VSX2: variants seen among roughly 807,000 people sequenced by gnomAD.
The protein encoded by VSX2 is ceh-10 homeo domain containing homolog.
Under a neutral mutation model 32.1 loss-of-function variants are expected in VSX2, and 28 were observed. The observed-to-expected ratio is 0.87, with a 90% CI of 0.65 to 1.20. VSX2 has a LOEUF of 1.20. Ranked by LOEUF, VSX2 falls within the 50% of genes most tolerant of loss-of-function variation. The pLI is 0.00. For synonymous variants in VSX2, 243 were observed against 214.1 expected (o/e 1.14, Z -1.18); for missense variants, 506 against 488.7 (o/e 1.04, Z -0.33).
chr14:74,241,750 G>T lies in VSX2; in HGVS notation c.455+484G>T, dbSNP rs149354306. Among the ~76,000 whole-genome samples the T allele has an allele frequency of 9.2e-5, 14 of 152,302 alleles. No homozygotes were observed. The East Asian group carries it at 2.7e-3, about 29-fold the overall frequency. On this transcript the variant is annotated intron_variant, in intron 2 of 4. Transcript: ENST00000261980. ...TCTGCTCCCACCGTTCTCCAAAGCT[G>T]GAGCGATCTCTGCACTGACAGAGCA...
intron 2 of VSX2, among the ~76,000 whole-genome samples, chr14:74,244,904 GTGTGTGTGTGTGTGTGTGTGTGTGTGAA>G: frequency 8.7e-6 from 1 of 114,578 alleles, no homozygotes; most frequent in Non-Finnish European, 1.9e-5. Flanking sequence ...GTGTGTGTGT[GTGTGTGTGTGTGTGTGTGTGTGTGTGAA>G]AGAGAGAGAG....
At chr14:74,253,918 G>A (rs570516785) in intron 3 of VSX2, among the ~76,000 whole-genome samples, 114 of 151,620 alleles carry the variant, frequency 7.5e-4, no homozygotes, top group African/African-American at 2.6e-3. Flanking sequence ...CAACAAGAGC[G>A]AAAATCCGTC....
intron 1 of VSX2, among the ~76,000 whole-genome samples, chr14:74,240,186 C>A (rs1191351405): frequency 1.3e-5 from 2 of 152,168 alleles, no homozygotes; most frequent in Non-Finnish European, 2.9e-5. Context: ...AGGGCTCGGC[C>A]ACGGCACTCT....
chr14:74,249,615 A>G (rs944135545), intron 3 of VSX2, among the ~76,000 whole-genome samples: 2 of 152,298 alleles, frequency 1.3e-5, no homozygotes, highest in African/African-American at 4.8e-5. Flanking sequence ...GTTAGCTGTC[A>G]TTCCTACACC....
chr14:74,253,661 T>C (rs1248935274), intron 3 of VSX2, among the ~76,000 whole-genome samples: 2 of 152,330 alleles, frequency 1.3e-5, no homozygotes, highest in South Asian at 2.1e-4. Flanking sequence ...CTGGGTGTGG[T>C]GGCTCACGCC....
At chr14:74,241,995 A>G (rs2079153247) in intron 2 of VSX2, among the ~76,000 whole-genome samples, 1 of 152,168 alleles carries the variant, frequency 6.6e-6, no homozygotes, top group Admixed American at 6.5e-5. Context: ...AATTACTTGC[A>G]CAAAGTTAAA....
At position 74,261,542 on chromosome 14, in the gene VSX2, G is replaced by C. The variant is rs1440113222; in HGVS notation, c.*623G>C. ...GGAGTCCAGATGGCAGGCTACAGTT[G>C]GGAAGTCTCAGCCTGGGCCCCTCAG... On this transcript the variant is annotated 3_prime_UTR_variant, in exon 5 of 5. Transcript: ENST00000261980. 1 of 152,898 alleles carries C rather than the reference G, an allele frequency of 6.5e-6. No homozygotes were observed. The highest frequency in any genetic ancestry group is 1.5e-5 in the Non-Finnish European group (1 of 68,598). The allele number at this position is 152,898 out of a possible 1,614,324, so 9.5% of individuals were successfully genotyped here.
At chr14:74,246,229 T>G (rs1359118261) in intron 3 of VSX2, among the ~76,000 whole-genome samples, 1 of 152,202 alleles carries the variant, frequency 6.6e-6, no homozygotes, top group African/African-American at 2.4e-5. Context: ...TTGCGGAGGC[T>G]GGGGTGTGTG....
intron 3 of VSX2, among the ~76,000 whole-genome samples, chr14:74,246,889 T>C (rs895988245): frequency 1.6e-4 from 24 of 152,110 alleles, no homozygotes; most frequent in Admixed American, 1.4e-3. Context: ...GGGCAGGCTC[T>C]CCCTCAGCTG....
rs1022886449 is a variant in VSX2, at chr14:74,261,890, T to A, written c.*971T>A. 5.9e-5 allele frequency: 9 copies of A among 152,422 alleles called. No individual in the cohort carries two copies. The highest frequency in any genetic ancestry group is 2.2e-4 in the African/African-American group (9 of 41,586). The allele number at this position is 152,422 out of a possible 1,614,324, so 9.4% of individuals were successfully genotyped here. ...TCCTTGCAAACTATGAGTTCACATGTGCCCTGCCTTGAACAACCCAATCTG... is the reference window on the plus strand; with the variant it reads ...TCCTTGCAAACTATGAGTTCACATGAGCCCTGCCTTGAACAACCCAATCTG... On this transcript the variant is annotated 3_prime_UTR_variant, in exon 5 of 5. Coordinates refer to ENST00000261980, the MANE Select transcript of VSX2 (RefSeq NM_182894.3).
chr14:74,240,408 T>C lies in VSX2; in HGVS notation c.370+477T>C, dbSNP rs2079141425. Among the ~76,000 whole-genome samples, 7 of 152,088 alleles carry C rather than the reference T, an allele frequency of 4.6e-5. 1 individual carries two copies. The South Asian group carries it at 1.5e-3, about 32-fold the overall frequency. Reference sequence around the variant, plus strand: ...CAAATCCCGCGCTGGTCAACTGGGGTTTATTTTTCACCCCCACGAGCTCAG... The same window carrying C: ...CAAATCCCGCGCTGGTCAACTGGGGCTTATTTTTCACCCCCACGAGCTCAG... On this transcript the variant is annotated intron_variant, in intron 1 of 4. Coordinates refer to ENST00000261980, the MANE Select transcript of VSX2 (RefSeq NM_182894.3).
chr14:74,254,784 A>ATTTTTGTTTTTTTTTTTTTTTTTT (rs2079252209), intron 3 of VSX2, among the ~76,000 whole-genome samples: 2 of 116,612 alleles, frequency 1.7e-5, no homozygotes, highest in Non-Finnish European at 3.5e-5. Context: ...CGAAAAGTGG[A>ATTTTTGTTTTTTTTTTTTTTTTTT]TTTTTTTTTT....
chr14:74,261,184 C>T lies in VSX2; in HGVS notation c.*265C>T, dbSNP rs763925108. On this transcript the variant is annotated 3_prime_UTR_variant, in exon 5 of 5. Transcript: ENST00000261980. ...CTGCCCACAACGTCCCCTCAAGCCCCTTCTCTCAATCCCTTTGCAACGCTC... is the reference window on the plus strand; with the variant it reads ...CTGCCCACAACGTCCCCTCAAGCCCTTTCTCTCAATCCCTTTGCAACGCTC... The T allele has an allele frequency of 3.7e-6, 2 of 535,018 alleles. No homozygotes were observed. Among genetic ancestry groups the T allele is most frequent in the Non-Finnish European group, 6.7e-6 (2 of 298,788 alleles). The allele number at this position is 535,018 out of a possible 1,614,324, so 33.1% of individuals were successfully genotyped here.
At chr14:74,245,791 C>T (rs1300518185) in intron 3 of VSX2, among the ~76,000 whole-genome samples, 2 of 152,196 alleles carry the variant, frequency 1.3e-5, no homozygotes, top group Non-Finnish European at 2.9e-5. Flanking sequence ...TCCCACCACT[C>T]CATCCACCTA....
At chr14:74,246,876 T>TG (rs2079195386) in intron 3 of VSX2, among the ~76,000 whole-genome samples, 2 of 152,040 alleles carry the variant, frequency 1.3e-5, no homozygotes, top group Admixed American at 6.6e-5. Context: ...GCTCAGGATT[T>TG]GGGGGCAGGC....
chr14:74,241,142 G>A (rs769217449), intron 1 of VSX2, 40 bp from the exon 2 acceptor site: 1 of 1,601,944 alleles, frequency 6.2e-7, no homozygotes, highest in Admixed American at 1.7e-5. Flanking sequence ...AGCGGAGCGC[G>A]TCCCCCACTC....
chr14:74,248,033 G>A (rs1385961158), intron 3 of VSX2, among the ~76,000 whole-genome samples: 3 of 152,038 alleles, frequency 2.0e-5, no homozygotes. Context: ...GGAACCTGAG[G>A]CACAGACAGA....
chr14:74,262,623 T>A lies in VSX2; in HGVS notation c.*1704T>A, dbSNP rs1219507579. 1 of 152,222 alleles carries A rather than the reference T, an allele frequency of 6.6e-6. No homozygotes were observed. Among genetic ancestry groups the A allele is most frequent in the Non-Finnish European group, 1.5e-5 (1 of 68,036 alleles). 9.4% of individuals were successfully genotyped at this position (152,222 alleles called of 1,614,324 possible). A position where few individuals can be genotyped will look rare whatever the true frequency, so the allele number is the denominator to read the frequency against. On this transcript the variant is annotated 3_prime_UTR_variant, in exon 5 of 5. Coordinates refer to ENST00000261980, the MANE Select transcript of VSX2 (RefSeq NM_182894.3). ...GTACATAGAGTGAGAAGAAAGAAAC[T>A]TGATATTGAGGTGTTTGAAATATGG...
At chr14:74,252,080 G>A (rs936212015) in intron 3 of VSX2, among the ~76,000 whole-genome samples, 1 of 152,242 alleles carries the variant, frequency 6.6e-6, no homozygotes, top group Non-Finnish European at 1.5e-5. Context: ...TTGAGGGATG[G>A]AACCCTGGGC....
Sources: allele counts gnomAD v4.1 joint callset (sites outside exome capture counted in the v4.1 genomes callset), GRCh38; gene constraint gnomAD v4.1.1; transcripts MANE v1.5; gene names NCBI Gene and HGNC (gene_info 2026-07-23, HGNC 2026-07-21).